The following DYNC2LI1 variants were observed in gnomAD, a reference collection of about 807,000 sequenced individuals.
The protein encoded by DYNC2LI1 is dynein cytoplasmic 2 light intermediate chain 1, also known as cytoplasmic dynein 2 light intermediate chain 1.
In DYNC2LI1, 45 loss-of-function variants were observed where a neutral mutation model predicts 51.9. The observed-to-expected ratio is 0.87, with a 90% CI of 0.68 to 1.11. The LOEUF (loss-of-function observed/expected upper bound fraction) is 1.11, where lower values mean the gene tolerates loss of function less well. Ranked by LOEUF, DYNC2LI1 falls within the 50% of genes most tolerant of loss-of-function variation. DYNC2LI1 has a pLI of 0.00. For synonymous variants in DYNC2LI1, 130 were observed against 137.8 expected (o/e 0.94, Z 0.40); for missense variants, 490 against 417.4 (o/e 1.17, Z -1.51).
At chr2:43,806,002 T>A (rs1666240843) in intron 12 of DYNC2LI1, among the ~76,000 whole-genome samples, 1 of 151,848 alleles carries the variant, frequency 6.6e-6, no homozygotes, top group Non-Finnish European at 1.5e-5. Flanking sequence ...TGCTTCAGCC[T>A]CCTGAGTGGC....
intron 12 of DYNC2LI1, among the ~76,000 whole-genome samples, chr2:43,805,968 G>A (rs1339279569): frequency 1.3e-5 from 2 of 150,692 alleles, no homozygotes; most frequent in Non-Finnish European, 2.9e-5. Flanking sequence ...TACAACCTCC[G>A]CCTCCCGGGT....
chr2:43,777,616 A>G (rs746190149), intron 2 of DYNC2LI1, among the ~76,000 whole-genome samples: 2 of 152,218 alleles, frequency 1.3e-5, no homozygotes, highest in Non-Finnish European at 2.9e-5. Flanking sequence ...ATTCCTGTTC[A>G]CTTTCTGTGC....
intron 10 of DYNC2LI1, among the ~76,000 whole-genome samples, 165 bp from the exon 11 acceptor site, chr2:43,804,476 GT>G (rs1459358877): frequency 1.3e-5 from 2 of 152,192 alleles, no homozygotes; most frequent in African/African-American, 2.4e-5. Flanking sequence ...ATCTGTCCCA[GT>G]GACCTTGCTA....
At chr2:43,826,405 G>T in the DYNC2LI1 span, 1 of 1,613,972 alleles carries the variant, frequency 6.2e-7, no homozygotes, top group Non-Finnish European at 8.5e-7. Context: ...GAACGGGGCT[G>T]GTGAATGGTG....
intron 4 of DYNC2LI1, among the ~76,000 whole-genome samples, chr2:43,788,769 C>G (rs1572703779): frequency 6.6e-6 from 1 of 152,122 alleles, no homozygotes; most frequent in African/African-American, 2.4e-5. Flanking sequence ...CACAAATTCA[C>G]TACAAGCATG....
At position 43,803,910 on chromosome 2, in the gene DYNC2LI1, A is replaced by T. The variant is rs116054618; in HGVS notation, c.803-732A>T. Among the ~76,000 whole-genome samples the T allele has an allele frequency of 6.1e-3, 936 of 152,330 alleles. 15 individuals carry two copies. Among genetic ancestry groups the T allele is most frequent in the African/African-American group, 0.021 (886 of 41,568 alleles). On this transcript the variant is annotated intron_variant, in intron 10 of 12. Transcript: ENST00000260605. Reference sequence around the variant, plus strand: ...TTTTTCAAATTAAATTATACAAGTAACACATAAAGATATCTCCTTGTAAAA... The same window carrying T: ...TTTTTCAAATTAAATTATACAAGTATCACATAAAGATATCTCCTTGTAAAA...
chr2:43,826,556 T>C, the DYNC2LI1 span: 7 of 1,614,086 alleles, frequency 4.3e-6, no homozygotes, highest in African/African-American at 2.7e-5. Flanking sequence ...TCTAAGGTAG[T>C]GCAGAGCCCA....
At chr2:43,779,041 A>C (rs751316901) in intron 2 of DYNC2LI1, among the ~76,000 whole-genome samples, 3 of 152,072 alleles carry the variant, frequency 2.0e-5, no homozygotes, top group Non-Finnish European at 2.9e-5. Context: ...GGATTGCTTG[A>C]GCCCAGGAGT....
chr2:43,799,864 A>G (rs1572715682), intron 8 of DYNC2LI1, among the ~76,000 whole-genome samples: 2 of 152,242 alleles, frequency 1.3e-5, no homozygotes, highest in Admixed American at 6.5e-5. Flanking sequence ...TCTCAGTAGA[A>G]GCATTACAAT....
At chr2:43,810,254 A>G (rs1290307341), downstream of DYNC2LI1, 1 of 656,094 alleles carries the variant, frequency 1.5e-6, no homozygotes, top group African/African-American at 2.0e-5. Context: ...GGAGATGCAC[A>G]TTCCCAGGTC....
chr2:43,780,428 C>A (rs1390006741), intron 2 of DYNC2LI1, among the ~76,000 whole-genome samples: 1 of 152,058 alleles, frequency 6.6e-6, no homozygotes, highest in Non-Finnish European at 1.5e-5. Context: ...ATGACAACAA[C>A]CCTGGTGGTA....
chr2:43,789,842 C>G (rs1673695870), intron 5 of DYNC2LI1, 121 bp downstream of exon 5: 3 of 725,366 alleles, frequency 4.1e-6, no homozygotes, highest in Non-Finnish European at 6.6e-6. Flanking sequence ...AGGCTTATGC[C>G]CACTTCCTTT....
chr2:43,826,366 G>A, the DYNC2LI1 span: 11 of 1,613,610 alleles, frequency 6.8e-6, no homozygotes, highest in South Asian at 2.2e-5. Flanking sequence ...CGGCCTTTAC[G>A]AGTTGAACCT....
chr2:43,824,139 T>C, the DYNC2LI1 span: 1 of 1,614,208 alleles, frequency 6.2e-7, no homozygotes, highest in Non-Finnish European at 8.5e-7. Flanking sequence ...ACAACCCTGT[T>C]TTAATTCCTT....
chr2:43,804,097 T>C (rs1339792315), intron 10 of DYNC2LI1, among the ~76,000 whole-genome samples: 1 of 152,234 alleles, frequency 6.6e-6, no homozygotes, highest in East Asian at 1.9e-4. Context: ...TATACCCTAT[T>C]ATTCAGTACC....
At chr2:43,799,931 C>T (rs559223717) in intron 8 of DYNC2LI1, among the ~76,000 whole-genome samples, 1 of 152,284 alleles carries the variant, frequency 6.6e-6, no homozygotes, top group African/African-American at 2.4e-5. Flanking sequence ...TGAGTATTCT[C>T]ATTTGAATAC....
the DYNC2LI1 span, chr2:43,822,642 T>C: frequency 1.4e-5 from 14 of 983,006 alleles, no homozygotes; most frequent in Admixed American, 4.3e-4. Flanking sequence ...ATAAAATTAA[T>C]GTCCTGGAAG....
Position 43,787,234 on chromosome 2 carries a change from CA to C in DYNC2LI1, c.219del (p.His75ThrfsTer22). ...TTGGAATATACATATGGAAGAAGAG[CA>C]AAAGGGCACAACACAGTAAGTGTCT... is the stretch of plus-strand genomic sequence containing the variant. ...LALEYTYGRR[A>X]KGHNTPKDIA... On this transcript the variant is annotated frameshift_variant, in exon 4 of 13. Transcript: ENST00000260605. LOFTEE classifies it high-confidence loss of function. The C allele has an allele frequency of 6.2e-7, 1 of 1,612,808 alleles. No homozygotes were observed.
intron 12 of DYNC2LI1, among the ~76,000 whole-genome samples, chr2:43,808,756 T>C (rs146085079): frequency 1.3e-5 from 2 of 152,166 alleles, no homozygotes; most frequent in Non-Finnish European, 2.9e-5. Context: ...CATTATGTTT[T>C]CATGTGGCCA....
Sources: gnomAD v4.1 joint callset for allele counts (sites outside exome capture counted in the v4.1 genomes callset) on GRCh38, gnomAD v4.1.1 for gene constraint, MANE v1.5 for transcripts, NCBI Gene and HGNC (gene_info 2026-07-23, HGNC 2026-07-21) for gene names.